BATF: variants seen among roughly 807,000 people sequenced by gnomAD.
BATF encodes the protein basic leucine zipper transcriptional factor ATF-like.
In BATF, 5 loss-of-function variants were observed where a neutral mutation model predicts 13.7. That is an observed-to-expected ratio of 0.36 (90% CI 0.19 to 0.77). The LOEUF is 0.77. Ranked by LOEUF, BATF falls within the 30% of genes least tolerant of loss-of-function variation. BATF has a pLI of 0.51. For synonymous variants in BATF, 72 were observed against 67.5 expected (o/e 1.07, Z -0.33); for missense variants, 124 against 163.0 (o/e 0.76, Z 1.30).
At chr14:75,545,833 T>G (rs1350674000) in intron 2 of BATF, among the ~76,000 whole-genome samples, 3 of 151,734 alleles carry the variant, frequency 2.0e-5, no homozygotes, top group East Asian at 3.9e-4. Context: ...CACACACCCC[T>G]CTATCAGGTT....
chr14:75,527,683 A>G (rs192330430), intron 2 of BATF, among the ~76,000 whole-genome samples: 1 of 152,174 alleles, frequency 6.6e-6, no homozygotes, highest in Non-Finnish European at 1.5e-5. Flanking sequence ...CATTAGGGTA[A>G]TCTCTAGAGC....
chr14:75,542,156 T>C (rs929334740), intron 2 of BATF, among the ~76,000 whole-genome samples: 2 of 152,190 alleles, frequency 1.3e-5, no homozygotes, highest in African/African-American at 4.8e-5. Context: ...TTGAGGTGAA[T>C]CCTATAGCAC....
chr14:75,533,417 G>T (rs948453933), intron 2 of BATF, among the ~76,000 whole-genome samples: 2 of 140,410 alleles, frequency 1.4e-5, no homozygotes, highest in African/African-American at 5.4e-5. Flanking sequence ...AACAGAGTGA[G>T]ACTCCGTCTC....
In BATF at chr14:75,542,133, G is replaced by A. The variant is rs779897751; in HGVS notation, c.169-4329G>A. Among the ~76,000 whole-genome samples the A allele has an allele frequency of 6.6e-5, 10 of 152,356 alleles. No homozygotes were observed. In the South Asian group the frequency reaches 1.4e-3, roughly 22 times the overall value. On this transcript the variant is annotated intron_variant, in intron 2 of 2. Coordinates refer to ENST00000286639, the MANE Select transcript of BATF (RefSeq NM_006399.5). Reference sequence around the variant, plus strand: ...ACACTCAAAGTTTCTGAACTTCTGAGAAAACAAGTGCCTTGAGGTGAATCC... The same window carrying A: ...ACACTCAAAGTTTCTGAACTTCTGAAAAAACAAGTGCCTTGAGGTGAATCC...
chr14:75,536,739 A>AAAATAAAATAAAATG (rs1887825268), intron 2 of BATF, among the ~76,000 whole-genome samples: 1 of 151,114 alleles, frequency 6.6e-6, no homozygotes. Flanking sequence ...AAAATAAAAT[A>AAAATAAAATAAAATG]AAATAAAATA....
intron 2 of BATF, among the ~76,000 whole-genome samples, chr14:75,536,959 C>T (rs1887829095): frequency 6.6e-6 from 1 of 151,534 alleles, no homozygotes; most frequent in Non-Finnish European, 1.5e-5. Flanking sequence ...TTTTTTTTTA[C>T]ACTGTTCCTT....
intron 1 of BATF, among the ~76,000 whole-genome samples, chr14:75,523,197 T>A (rs1409613830): frequency 9.4e-6 from 1 of 106,760 alleles, no homozygotes; most frequent in African/African-American, 3.7e-5. Context: ...GAAAAGGGGT[T>A]AGGGAAAAGT....
At chr14:75,528,745 T>C (rs367630200) in intron 2 of BATF, among the ~76,000 whole-genome samples, 1 of 151,090 alleles carries the variant, frequency 6.6e-6, no homozygotes, top group East Asian at 1.9e-4. Flanking sequence ...CAATAGCTAA[T>C]AAGTGGACCT....
chr14:75,535,521 A>AT, intron 2 of BATF, among the ~76,000 whole-genome samples: 1 of 152,104 alleles, frequency 6.6e-6, no homozygotes, highest in East Asian at 1.9e-4. Context: ...GTTATACTGT[A>AT]TTTTTTTATT....
intron 2 of BATF, among the ~76,000 whole-genome samples, chr14:75,527,698 G>C (rs972994018): frequency 1.3e-5 from 2 of 152,132 alleles, no homozygotes; most frequent in Non-Finnish European, 2.9e-5. Context: ...TAGAGCTTGA[G>C]GGTCCACAGA....
At chr14:75,523,493 A>G (rs1200056082) in intron 1 of BATF, among the ~76,000 whole-genome samples, 1 of 152,172 alleles carries the variant, frequency 6.6e-6, no homozygotes, top group Non-Finnish European at 1.5e-5. Flanking sequence ...TTGTGGGAGC[A>G]TTTGGAGTCT....
At chr14:75,529,158 AAAG>A (rs1184680089) in intron 2 of BATF, among the ~76,000 whole-genome samples, 6 of 152,228 alleles carry the variant, frequency 3.9e-5, no homozygotes, top group African/African-American at 9.6e-5. Context: ...GGAAAATTCT[AAAG>A]AAGAAGTATA....
At chr14:75,540,547 T>TA (rs1482584189) in intron 2 of BATF, among the ~76,000 whole-genome samples, 1 of 152,166 alleles carries the variant, frequency 6.6e-6, no homozygotes, top group African/African-American at 2.4e-5. Context: ...AAACAGACTT[T>TA]AAAGGCAAGA....
At chr14:75,523,596 C>T (rs1887608924) in intron 1 of BATF, among the ~76,000 whole-genome samples, 1 of 152,158 alleles carries the variant, frequency 6.6e-6, no homozygotes, top group East Asian at 1.9e-4. Flanking sequence ...TTTTGTTCTG[C>T]ACCACACTCT....
chr14:75,526,882 C>A (rs1303216754), intron 2 of BATF, among the ~76,000 whole-genome samples: 1 of 152,188 alleles, frequency 6.6e-6, no homozygotes, highest in African/African-American at 2.4e-5. Context: ...ACAGACCAAT[C>A]AAAATTTAAA....
chr14:75,526,022 C>T (rs1162138407), intron 2 of BATF, among the ~76,000 whole-genome samples: 2 of 152,198 alleles, frequency 1.3e-5, no homozygotes, highest in Non-Finnish European at 2.9e-5. Context: ...GTGCCCTTAT[C>T]TGGGATGATC....
intron 2 of BATF, among the ~76,000 whole-genome samples, chr14:75,537,823 A>G (rs1485952685): frequency 6.6e-6 from 1 of 152,012 alleles, no homozygotes; most frequent in East Asian, 1.9e-4. Context: ...TAATAAAATG[A>G]AAATATGTAA....
chr14:75,542,338 G>A (rs1887908796), intron 2 of BATF, among the ~76,000 whole-genome samples: 1 of 152,220 alleles, frequency 6.6e-6, no homozygotes, highest in Non-Finnish European at 1.5e-5. Flanking sequence ...ATAGGAGAAA[G>A]ATGGGTACAT....
intron 2 of BATF, 107 bp downstream of exon 2, chr14:75,525,295 T>G: frequency 8.2e-7 from 1 of 1,215,916 alleles, no homozygotes; most frequent in Non-Finnish European, 1.2e-6. Flanking sequence ...GGGATGTGTA[T>G]GTGGGGTGGG....
Sources: allele counts gnomAD v4.1 joint callset (sites outside exome capture counted in the v4.1 genomes callset), GRCh38; gene constraint gnomAD v4.1.1; transcripts MANE v1.5; gene names NCBI Gene and HGNC (gene_info 2026-07-23, HGNC 2026-07-21).